SEC31B: variants seen among roughly 807,000 people sequenced by gnomAD.
The protein encoded by SEC31B is SEC31 homolog B, COPII component.
A neutral mutation model predicts 135.0 loss-of-function variants in SEC31B; 113 were observed. That is an observed-to-expected ratio of 0.84 (90% CI 0.72 to 0.98). SEC31B has a LOEUF of 0.98. Ranked by LOEUF, SEC31B falls within the 50% of genes least tolerant of loss-of-function variation. SEC31B has a pLI of 0.00. For synonymous variants in SEC31B, 508 were observed against 549.4 expected, an observed-to-expected ratio of 0.92 and a Z score of 1.05; for missense variants, 1,296 against 1,421.1, an observed-to-expected ratio of 0.91 and a Z score of 1.42.
chr10:100,510,066 C>T (rs1232088578), intron 3 of SEC31B, among the ~76,000 whole-genome samples: 2 of 152,196 alleles, frequency 1.3e-5, no homozygotes, highest in Non-Finnish European at 1.5e-5. Flanking sequence ...ATTTTATCCC[C>T]ATTTTAGGAT....
chr10:100,497,914 A>C, intron 15 of SEC31B, 115 bp downstream of exon 15: 2 of 1,578,908 alleles, frequency 1.3e-6, no homozygotes, highest in Non-Finnish European at 1.7e-6. Context: ...GGGGGTGGTT[A>C]GAGTAGAAAG....
intron 3 of SEC31B, among the ~76,000 whole-genome samples, chr10:100,513,076 C>A (rs1342836958): frequency 1.3e-5 from 2 of 152,222 alleles, no homozygotes; most frequent in East Asian, 3.8e-4. Context: ...ATGATACTGA[C>A]TGTTGAGCAT....
At chr10:100,492,126 C>T (rs555324488) in intron 19 of SEC31B, among the ~76,000 whole-genome samples, 10 of 152,324 alleles carry the variant, frequency 6.6e-5, no homozygotes, top group African/African-American at 2.4e-4. Flanking sequence ...TCATAAAGAG[C>T]ATCTGTGAAA....
chr10:100,509,490 C>T lies in SEC31B; in HGVS notation c.225G>A (p.Gly75=). 1 of 1,612,786 alleles carries T rather than the reference C, an allele frequency of 6.2e-7. No homozygotes were observed. The highest frequency in any genetic ancestry group is 1.1e-5 in the South Asian group (1 of 90,988). The part of the protein sequence containing the change: ...ALSRFHKLVW[G]SFGSGLLESS... The stretch of plus-strand genomic sequence containing the variant: ...TTTCCAGAAGCCCACTGCCAAAGCT[C>T]CCCCAGACCAGCTTGTGAAACCTAT... The change falls in exon 4 of 26, where the codon GGG becomes GGA. Residue 75 remains glycine, a synonymous_variant. Coordinates refer to ENST00000370345, the MANE Select transcript of SEC31B (RefSeq NM_015490.4).
intron 3 of SEC31B, among the ~76,000 whole-genome samples, chr10:100,509,821 T>C (rs941222063): frequency 2.0e-5 from 3 of 152,196 alleles, no homozygotes; most frequent in Non-Finnish European, 2.9e-5. Context: ...GCTGGTGATA[T>C]ATACTTCAAA....
Position 100,487,480 on chromosome 10 carries a change from C to G in SEC31B, c.*136G>C, listed in dbSNP as rs1366791922. ...GGCACTCAGCTGGTTTGGAGCCAAGCCTACAGCATCACATACCTGGCAGCA... is the reference window on the plus strand; with the variant it reads ...GGCACTCAGCTGGTTTGGAGCCAAGGCTACAGCATCACATACCTGGCAGCA... On this transcript the variant is annotated 3_prime_UTR_variant, in exon 26 of 26. Coordinates refer to ENST00000370345, the MANE Select transcript of SEC31B (RefSeq NM_015490.4). 2 of 835,782 alleles carry G rather than the reference C, an allele frequency of 2.4e-6. No individual in the cohort carries two copies. The highest frequency in any genetic ancestry group is 1.8e-6 in the Non-Finnish European group (1 of 541,158). 51.8% of individuals were successfully genotyped at this position (835,782 alleles called of 1,614,324 possible).
At chr10:100,488,781 G>A in intron 24 of SEC31B, 77 bp downstream of exon 24, 2 of 1,488,708 alleles carry the variant, frequency 1.3e-6, no homozygotes, top group Non-Finnish European at 8.9e-7. Context: ...GTCACACAAG[G>A]AACTGGTCCA....
rs758165437 is a variant in SEC31B, at chr10:100,507,509, G to A, written c.698C>T (p.Ser233Leu). The A allele has an allele frequency of 4.3e-6, 7 of 1,614,078 alleles. No individual in the cohort carries two copies. In the Admixed American group the frequency reaches 1.0e-4, roughly 23 times the overall value. ...AATCACGGGAAGTCGATCATCCTCT[G>A]AGCACAGCACTAACTGGGTGGCTAT... ...PDIATQLVLC[S>L]EDDRLPVIQL... The change falls in exon 7 of 26, where the codon TCA (serine) becomes TTA (leucine). Residue 233 changes from serine to leucine, a missense_variant. By Grantham distance (145) the Ser-to-Leu change is moderately radical (BLOSUM62 -2). Coordinates refer to ENST00000370345, the MANE Select transcript of SEC31B (RefSeq NM_015490.4).
chr10:100,512,681 A>G (rs960390960), intron 3 of SEC31B, among the ~76,000 whole-genome samples: 1 of 152,238 alleles, frequency 6.6e-6, no homozygotes, highest in African/African-American at 2.4e-5. Flanking sequence ...GAGCAGGCAG[A>G]GAATGGGGAA....
At chr10:100,488,181 C>T (rs755888488) in intron 24 of SEC31B, 83 bp from the exon 25 acceptor site, 79 of 1,300,116 alleles carry the variant, frequency 6.1e-5, no homozygotes, top group Middle Eastern at 1.9e-4. Flanking sequence ...CATATTAGGC[C>T]GGGCATGGTG....
intron 11 of SEC31B, among the ~76,000 whole-genome samples, chr10:100,499,908 T>C (rs1489613834): frequency 6.6e-6 from 1 of 152,240 alleles, no homozygotes; most frequent in Non-Finnish European, 1.5e-5. Context: ...ATGCTTGTGA[T>C]TGGTAACTTG....
rs191412203 is a variant in SEC31B, at chr10:100,513,759, C to T, written c.203+2337G>A. 3.6e-3 allele frequency among the ~76,000 whole-genome samples: 542 copies of T among 152,060 alleles called. 6 individuals are homozygous for T. Among genetic ancestry groups the T allele is most frequent in the African/African-American group, 0.012 (504 of 41,494 alleles). Reference sequence around the variant, plus strand: ...TGCTGGGATTACAAGCATGAGCCACCGCACCTGGCTGGTAACCTAAAAGTT... The same window carrying T: ...TGCTGGGATTACAAGCATGAGCCACTGCACCTGGCTGGTAACCTAAAAGTT... On this transcript the variant is annotated intron_variant, in intron 3 of 25. Coordinates refer to ENST00000370345, the MANE Select transcript of SEC31B (RefSeq NM_015490.4).
At chr10:100,508,830 A>C (rs1462365594) in intron 5 of SEC31B, 177 bp downstream of exon 5, 29 of 612,030 alleles carry the variant, frequency 4.7e-5, no homozygotes, top group East Asian at 4.4e-4. Flanking sequence ...TACACCCTCC[A>C]CCCACCAGCC....
chr10:100,499,311 C>A, intron 12 of SEC31B, 53 bp from the exon 13 acceptor site: 5 of 1,393,872 alleles, frequency 3.6e-6, no homozygotes, highest in Non-Finnish European at 5.0e-6. Flanking sequence ...ATCAAATAAG[C>A]ATTATCCTCT....
chr10:100,507,647 T>A, intron 6 of SEC31B, 80 bp from the exon 7 acceptor site: 2 of 1,575,298 alleles, frequency 1.3e-6, no homozygotes, highest in Non-Finnish European at 1.7e-6. Context: ...TGAGAGCAAG[T>A]TTTCTGTCTC....
intron 3 of SEC31B, among the ~76,000 whole-genome samples, chr10:100,511,169 A>G (rs1011840531): frequency 6.6e-6 from 1 of 152,254 alleles, no homozygotes. Context: ...TTTGCCACAT[A>G]CAGGGTGTGA....
At chr10:100,512,396 A>C (rs1851752664) in intron 3 of SEC31B, among the ~76,000 whole-genome samples, 1 of 152,174 alleles carries the variant, frequency 6.6e-6, no homozygotes, top group African/African-American at 2.4e-5. Context: ...TTTCTTTTTG[A>C]GTGAAATTCA....
rs1212813012 is a variant in SEC31B at position 100,505,366 on chromosome 10, A to G, written c.1174T>C (p.Phe392Leu). ...TATACATCCACTACACTTACAGCAA[A>G]TGAAACACCTGTTGGTCTTCTAATC... ...KWIRRPTGVS[F>L]AFGGKLVTFG... Residue 392 changes from phenylalanine to leucine, a missense_variant, in exon 10 of 26, where the codon TTT becomes CTT. Phe to Leu is a conservative substitution (Grantham distance 22). Transcript: ENST00000370345. The G allele has an allele frequency of 3.1e-6, 5 of 1,613,388 alleles. No individual in the cohort carries two copies. The highest frequency in any genetic ancestry group is 4.2e-6 in the Non-Finnish European group (5 of 1,179,728).
chr10:100,502,073 C>G (rs774632646), intron 11 of SEC31B, among the ~76,000 whole-genome samples, 181 bp downstream of exon 11: 10 of 152,200 alleles, frequency 6.6e-5, no homozygotes, highest in Non-Finnish European at 1.2e-4. Flanking sequence ...CTTTGAGCCT[C>G]TGGTAAAGGG....
Sources: allele counts gnomAD v4.1 joint callset (sites outside exome capture counted in the v4.1 genomes callset), GRCh38; gene constraint gnomAD v4.1.1; transcripts MANE v1.5; gene names NCBI Gene and HGNC (gene_info 2026-07-23, HGNC 2026-07-21).